The following EDN1 variants were observed in gnomAD, a reference collection of about 807,000 sequenced individuals.
EDN1 encodes endothelin 1, also known as endothelin-1.
Under a neutral mutation model 21.7 loss-of-function variants are expected in EDN1, and 11 were observed. The ratio of observed to expected loss-of-function variants is 0.51; its 90% confidence interval spans 0.32 to 0.84. The LOEUF is 0.84. Among genes scored for constraint, EDN1 ranks in the 40% least tolerant of loss-of-function variants. EDN1 has a pLI of 0.03. For missense variants in EDN1, 244 were observed against 262.3 expected (o/e 0.93, Z 0.48); for synonymous variants, 85 against 90.6 (o/e 0.94, Z 0.35).
intron 4 of EDN1, 94 bp downstream of exon 4, chr6:12,294,498 AC>A: frequency 2.7e-6 from 4 of 1,477,540 alleles, no homozygotes; most frequent in Non-Finnish European, 3.8e-6. Context: ...AGCCCTTCTT[AC>A]CCGGGCAGGT....
the EDN1 span, among the ~76,000 whole-genome samples, chr6:12,259,114 T>C: frequency 6.6e-6 from 1 of 152,178 alleles, no homozygotes; most frequent in African/African-American, 2.4e-5. Context: ...ATTTGGCCTT[T>C]CTGTATTTCT....
the EDN1 span, among the ~76,000 whole-genome samples, chr6:12,268,486 A>G: frequency 7.9e-5 from 12 of 152,118 alleles, no homozygotes; most frequent in African/African-American, 2.7e-4. Flanking sequence ...TTGAGTTAAT[A>G]TTTGTAATGA....
At chr6:12,238,520 G>A in the EDN1 span, among the ~76,000 whole-genome samples, 1 of 152,204 alleles carries the variant, frequency 6.6e-6, no homozygotes, top group African/African-American at 2.4e-5. Context: ...ATTTGTCAGA[G>A]AACCAGCTGT....
chr6:12,239,787 TG>T, the EDN1 span, among the ~76,000 whole-genome samples: 1 of 152,094 alleles, frequency 6.6e-6, no homozygotes, highest in African/African-American at 2.4e-5. Flanking sequence ...TGTGTGCCTG[TG>T]GTCCCAGCTA....
chr6:12,258,595 C>T, the EDN1 span, among the ~76,000 whole-genome samples: 6 of 152,112 alleles, frequency 3.9e-5, no homozygotes, highest in South Asian at 6.2e-4. Context: ...AAATCCAAAG[C>T]GTGATTCTGA....
the EDN1 span, among the ~76,000 whole-genome samples, chr6:12,235,356 A>G: frequency 1.3e-5 from 2 of 152,226 alleles, no homozygotes; most frequent in African/African-American, 4.8e-5. Context: ...ACTTCCACAT[A>G]GCAATGTTTA....
chr6:12,272,995 T>C, the EDN1 span, among the ~76,000 whole-genome samples: 62 of 152,322 alleles, frequency 4.1e-4, no homozygotes, highest in East Asian at 7.7e-4. Context: ...AATGGGGATC[T>C]AGGCAGGAAA....
the EDN1 span, among the ~76,000 whole-genome samples, chr6:12,236,312 C>T: frequency 5.7e-4 from 87 of 151,446 alleles, no homozygotes; most frequent in African/African-American, 1.8e-3. Context: ...GAAGGCATCT[C>T]GTTCTGTCAC....
At chr6:12,248,475 T>A in the EDN1 span, among the ~76,000 whole-genome samples, 1 of 152,210 alleles carries the variant, frequency 6.6e-6, no homozygotes, top group African/African-American at 2.4e-5. Context: ...TCTGACATTC[T>A]CCTATATGCA....
chr6:12,272,452 C>CTTTTTTTT, the EDN1 span, among the ~76,000 whole-genome samples: 1 of 106,812 alleles, frequency 9.4e-6, no homozygotes, highest in African/African-American at 3.7e-5. Flanking sequence ...GAGTCATACT[C>CTTTTTTTT]TTTTTTTTTT....
upstream of EDN1, among the ~76,000 whole-genome samples, chr6:12,289,132 T>C (rs1250668799): frequency 2.0e-5 from 3 of 152,194 alleles, no homozygotes; most frequent in African/African-American, 7.2e-5. Flanking sequence ...CTGTGTGTAC[T>C]TCAGGGGGGG....
chr6:12,274,932 C>A, the EDN1 span, among the ~76,000 whole-genome samples: 1 of 142,460 alleles, frequency 7.0e-6, no homozygotes, highest in African/African-American at 2.6e-5. Context: ...TGAATTATTT[C>A]TTCCTTCTCC....
chr6:12,291,573 A>G (rs1473058814), intron 1 of EDN1, among the ~76,000 whole-genome samples: 1 of 152,202 alleles, frequency 6.6e-6, no homozygotes, highest in African/African-American at 2.4e-5. Context: ...GATAAGCTGC[A>G]TGGCTAAATT....
In EDN1 at chr6:12,296,150, C is replaced by A; in HGVS notation, c.*83C>A. On this transcript the variant is annotated 3_prime_UTR_variant, in exon 5 of 5. Transcript: ENST00000379375. ...CTGCACTCTCCACCCTGGCTGGGAT[C>A]AGAGCAGGAGCATCCTCTGCTGGTT... is the stretch of plus-strand genomic sequence containing the variant. The A allele has an allele frequency of 8.0e-7, 1 of 1,247,078 alleles. No individual in the cohort carries two copies. The highest frequency in any genetic ancestry group is 1.2e-6 in the Non-Finnish European group (1 of 848,016). 77.3% of individuals were successfully genotyped at this position (1,247,078 alleles called of 1,614,324 possible).
chr6:12,245,302 C>G, the EDN1 span, among the ~76,000 whole-genome samples: 1 of 152,184 alleles, frequency 6.6e-6, no homozygotes, highest in Non-Finnish European at 1.5e-5. Flanking sequence ...ATTCACCCAC[C>G]ATTGCCTAGG....
At chr6:12,269,906 G>T in the EDN1 span, among the ~76,000 whole-genome samples, 1 of 151,998 alleles carries the variant, frequency 6.6e-6, no homozygotes, top group Non-Finnish European at 1.5e-5. Flanking sequence ...AAAATGTTTG[G>T]TATAATACAG....
rs1327078825 is a variant in EDN1 at position 12,297,016 on chromosome 6, T to C, written c.*949T>C. 1.3e-5 allele frequency: 2 copies of C among 152,330 alleles called. No homozygotes were observed. The highest frequency in any genetic ancestry group is 1.9e-4 in the East Asian group (1 of 5,192). The allele number at this position is 152,330 out of a possible 1,614,324, so 9.4% of individuals were successfully genotyped here. ...GAATTTTGATGTACTTATTTTTTTA[T>C]AGATATTTATATTCAAACAATTTAT... On this transcript the variant is annotated 3_prime_UTR_variant, in exon 5 of 5. Transcript: ENST00000379375.
At chr6:12,283,244 T>C in the EDN1 span, among the ~76,000 whole-genome samples, 3 of 152,222 alleles carry the variant, frequency 2.0e-5, no homozygotes, top group South Asian at 2.1e-4. Flanking sequence ...AGCATACTCA[T>C]GTTTGGGAAA....
At chr6:12,290,803 C>A in intron 1 of EDN1, 110 bp downstream of exon 1, 2 of 942,188 alleles carry the variant, frequency 2.1e-6, no homozygotes, top group Non-Finnish European at 3.5e-6. Flanking sequence ...ATGACTGCAG[C>A]TTAGAGAGCA....
Sources: gnomAD v4.1 joint callset for allele counts (sites outside exome capture counted in the v4.1 genomes callset) on GRCh38, gnomAD v4.1.1 for gene constraint, MANE v1.5 for transcripts, NCBI Gene and HGNC (gene_info 2026-07-23, HGNC 2026-07-21) for gene names.